PLEKHM3: variants seen among roughly 807,000 people sequenced by gnomAD.
PLEKHM3 encodes the protein pleckstrin homology domain containing M3, also known as pleckstrin homology domain-containing family M member 3.
In PLEKHM3, 45 loss-of-function variants were observed where a neutral mutation model predicts 81.8. That is an observed-to-expected ratio of 0.55 (90% CI 0.43 to 0.71). The LOEUF is 0.71. Ranked by LOEUF, PLEKHM3 falls within the 30% of genes least tolerant of loss-of-function variation. PLEKHM3 has a pLI of 0.00. For missense variants in PLEKHM3, 788 were observed against 924.3 expected (o/e 0.85, Z 1.91); for synonymous variants, 352 against 356.4 (o/e 0.99, Z 0.14).
rs557954001 is a variant in PLEKHM3 at position 207,880,690 on chromosome 2, G to A, written c.1951-19428C>T. 7.6e-3 allele frequency among the ~76,000 whole-genome samples: 1,047 copies of A among 137,228 alleles called. 10 individuals carry two copies. Among genetic ancestry groups the A allele is most frequent in the Non-Finnish European group, 0.013 (882 of 65,394 alleles). The allele number at this position is 137,228 out of a possible 152,430, so 90.0% of individuals were successfully genotyped here. A position where few individuals can be genotyped will look rare whatever the true frequency, so the allele number is the denominator to read the frequency against. ...AGGCAGGAGAATGGCGTGAACCCGG[G>A]AGGCGGAGCCTGCAGTGAGCCGAGA... On this transcript the variant is annotated intron_variant, in intron 6 of 7. Coordinates refer to ENST00000427836, the MANE Select transcript of PLEKHM3 (RefSeq NM_001080475.3).
intron 3 of PLEKHM3, among the ~76,000 whole-genome samples, chr2:207,968,541 A>G (rs1433701593): frequency 6.6e-6 from 1 of 152,120 alleles, no homozygotes; most frequent in East Asian, 1.9e-4. Flanking sequence ...CATTCCCTTC[A>G]AGCCCTCCAT....
chr2:207,877,650 A>T (rs559966806), intron 6 of PLEKHM3, among the ~76,000 whole-genome samples: 2 of 152,314 alleles, frequency 1.3e-5, no homozygotes, highest in African/African-American at 4.8e-5. Flanking sequence ...ATCTCTTTTT[A>T]AAAAATTACA....
intron 5 of PLEKHM3, among the ~76,000 whole-genome samples, chr2:207,918,392 G>A (rs1429433489): frequency 2.6e-5 from 4 of 152,044 alleles, no homozygotes; most frequent in African/African-American, 7.2e-5. Context: ...CGTGGTGGTG[G>A]GCGCCTGTAG....
chr2:207,886,982 T>C (rs1687903473), intron 6 of PLEKHM3, among the ~76,000 whole-genome samples: 1 of 152,124 alleles, frequency 6.6e-6, no homozygotes, highest in African/African-American at 2.4e-5. Context: ...ATGGGGAAAA[T>C]AATACCCACT....
chr2:207,935,865 T>C (rs1559245446), intron 4 of PLEKHM3, among the ~76,000 whole-genome samples: 1 of 152,234 alleles, frequency 6.6e-6, no homozygotes. Context: ...TAATCTATAA[T>C]GTAATTAAGC....
intron 7 of PLEKHM3, among the ~76,000 whole-genome samples, chr2:207,842,719 A>G (rs2092361427): frequency 6.6e-6 from 1 of 152,210 alleles, no homozygotes; most frequent in African/African-American, 2.4e-5. Context: ...GATAGTCACA[A>G]TAATAAGAAT....
chr2:207,831,992 C>A (rs2092291150), intron 7 of PLEKHM3, among the ~76,000 whole-genome samples: 1 of 152,166 alleles, frequency 6.6e-6, no homozygotes, highest in Non-Finnish European at 1.5e-5. Context: ...GGAGGAAAAA[C>A]CCTGGGTTCC....
rs114909251 is a variant in PLEKHM3, at chr2:207,858,390, G to A, written c.2108+2715C>T. ...TTTAATTCCATGTGCCAGAGAACAC[G>A]CTTGGTATAGTCTCAAAATTAATTG... On this transcript the variant is annotated intron_variant, in intron 7 of 7. Coordinates refer to ENST00000427836, the MANE Select transcript of PLEKHM3 (RefSeq NM_001080475.3). Among the ~76,000 whole-genome samples, 1,232 of 151,790 alleles carry A rather than the reference G, an allele frequency of 8.1e-3. 13 individuals carry two copies. Among genetic ancestry groups the A allele is most frequent in the African/African-American group, 0.028 (1,145 of 41,342 alleles).
intron 6 of PLEKHM3, among the ~76,000 whole-genome samples, chr2:207,895,637 TGG>T (rs1688199148): frequency 6.6e-6 from 1 of 152,194 alleles, no homozygotes. Flanking sequence ...TCAGCTGCAA[TGG>T]GCTCTCTGTT....
intron 6 of PLEKHM3, among the ~76,000 whole-genome samples, chr2:207,872,752 G>A (rs527556724): frequency 1.1e-4 from 16 of 152,270 alleles, no homozygotes; most frequent in African/African-American, 3.1e-4. Context: ...ACTTGAACCC[G>A]GGAGGCGGAG....
intron 3 of PLEKHM3, among the ~76,000 whole-genome samples, chr2:207,948,704 C>T (rs897335028): frequency 2.3e-4 from 35 of 152,060 alleles, no homozygotes; most frequent in Admixed American, 1.3e-3. Flanking sequence ...CCACCACGCC[C>T]GGCTAATTTT....
intron 1 of PLEKHM3, among the ~76,000 whole-genome samples, chr2:208,003,497 ATACAGACCTT>A (rs1484856610): frequency 6.6e-6 from 1 of 152,224 alleles, no homozygotes; most frequent in African/African-American, 2.4e-5. Flanking sequence ...AAACTCATAT[ATACAGACCTT>A]TATTTTAGAT....
intron 5 of PLEKHM3, chr2:207,929,878 C>G: frequency 1.4e-6 from 1 of 697,848 alleles, no homozygotes; most frequent in African/African-American, 1.7e-5. Context: ...TCCAAAAGTT[C>G]TTAGGCAGGT....
chr2:207,880,916 A>ATGG (rs2105850501), intron 6 of PLEKHM3, among the ~76,000 whole-genome samples: 1 of 151,424 alleles, frequency 6.6e-6, no homozygotes, highest in East Asian at 1.9e-4. Context: ...TTTAATGACA[A>ATGG]TGGTTATGCT....
intron 6 of PLEKHM3, among the ~76,000 whole-genome samples, chr2:207,866,296 C>T (rs2092500571): frequency 6.6e-6 from 1 of 152,098 alleles, no homozygotes; most frequent in South Asian, 2.1e-4. Context: ...GCTGGGATTA[C>T]AGGCATGAGC....
intron 6 of PLEKHM3, among the ~76,000 whole-genome samples, chr2:207,889,078 T>C (rs1323988868): frequency 6.6e-6 from 1 of 152,174 alleles, no homozygotes; most frequent in Non-Finnish European, 1.5e-5. Flanking sequence ...TTTGTGGTGA[T>C]CTGAATGGGT....
chr2:207,893,479 G>A (rs1688127306), intron 6 of PLEKHM3, among the ~76,000 whole-genome samples: 1 of 152,226 alleles, frequency 6.6e-6, no homozygotes. Flanking sequence ...CCTTTAGGCT[G>A]ATGGCAATTT....
intron 5 of PLEKHM3, among the ~76,000 whole-genome samples, chr2:207,925,503 G>T (rs1172428409): frequency 6.6e-6 from 1 of 152,072 alleles, no homozygotes; most frequent in Non-Finnish European, 1.5e-5. Flanking sequence ...TTAAATCCCT[G>T]AATCCTCGCA....
intron 6 of PLEKHM3, among the ~76,000 whole-genome samples, chr2:207,902,420 T>C (rs1277876873): frequency 1.3e-5 from 2 of 152,238 alleles, no homozygotes; most frequent in Non-Finnish European, 2.9e-5. Flanking sequence ...CTTTTCGTGA[T>C]CTTACCAGTT....
Sources: allele counts gnomAD v4.1 joint callset (sites outside exome capture counted in the v4.1 genomes callset), GRCh38; gene constraint gnomAD v4.1.1; transcripts MANE v1.5; gene names NCBI Gene and HGNC (gene_info 2026-07-23, HGNC 2026-07-21).